The following POU2F3 variants were observed in gnomAD, a reference collection of about 807,000 sequenced individuals.
The protein encoded by POU2F3 is POU domain, class 2, transcription factor 3.
POU2F3 carries 23 observed loss-of-function variants against 59.2 expected under a neutral mutation model. The observed-to-expected ratio is 0.39, with a 90% CI of 0.28 to 0.55. The LOEUF (loss-of-function observed/expected upper bound fraction) is 0.55, where lower values mean the gene tolerates loss of function less well. Among genes scored for constraint, POU2F3 ranks in the 20% least tolerant of loss-of-function variants. The probability of loss-of-function intolerance (pLI) is 0.66; values close to 1 mark genes in which losing one functional copy is unlikely to be tolerated. For synonymous variants in POU2F3, 190 were observed against 214.6 expected (o/e 0.89, Z 1.00); for missense variants, 473 against 544.5 (o/e 0.87, Z 1.31).
In POU2F3 at chr11:120,299,676, T is replaced by C; in HGVS notation, c.311T>C (p.Leu104Ser). Reference protein sequence around the residue: ...LQQLVLVPGHLQSVSQFLLSQ... With the variant: ...LQQLVLVPGHSQSVSQFLLSQ... ...CAGCTTGTGCTGGTTCCCGGCCACT[T>C]ACAGTCTGTATCCCAGTTCCTGCTA... The change falls in exon 5 of 13, where the codon TTA becomes TCA. Residue 104 changes from leucine to serine, a missense_variant. Transcript: ENST00000543440. The C allele has an allele frequency of 6.2e-7, 1 of 1,613,876 alleles. No homozygotes were observed. Among genetic ancestry groups the C allele is most frequent in the South Asian group, 1.1e-5 (1 of 91,088 alleles).
chr11:120,302,680 C>A lies in POU2F3; in HGVS notation c.444+312C>A, dbSNP rs1941381110. On this transcript the variant is annotated intron_variant, in intron 6 of 12. Transcript: ENST00000543440. ...TTGCTCCTCTGAGAGCCAGGCTCAGCTCACTTCTCAGGCATACCAAGATGG... is the reference window on the plus strand; with the variant it reads ...TTGCTCCTCTGAGAGCCAGGCTCAGATCACTTCTCAGGCATACCAAGATGG... The A allele has an allele frequency of 9.6e-6, 3 of 311,812 alleles. No homozygotes were observed. In the South Asian group the frequency reaches 1.6e-4, roughly 17 times the overall value. 19.3% of individuals were successfully genotyped at this position (311,812 alleles called of 1,614,324 possible). A position where few individuals can be genotyped will look rare whatever the true frequency, so the allele number is the denominator to read the frequency against.
At position 120,316,990 on chromosome 11, in the gene POU2F3, A is replaced by G. The variant is rs182250617; in HGVS notation, c.1136-239A>G. Reference sequence around the variant, plus strand: ...ATTTGGCAAGTCTTAGACTTGCAGAACCAGCCACACCACTCTCCAGGGCCT... The same window carrying G: ...ATTTGGCAAGTCTTAGACTTGCAGAGCCAGCCACACCACTCTCCAGGGCCT... On this transcript the variant is annotated intron_variant, in intron 11 of 12. Coordinates refer to ENST00000543440, the MANE Select transcript of POU2F3 (RefSeq NM_014352.4). Among the ~76,000 whole-genome samples, 1,365 of 152,186 alleles carry G rather than the reference A, an allele frequency of 9.0e-3. 18 individuals carry two copies. The highest frequency in any genetic ancestry group is 0.032 in the African/African-American group (1,313 of 41,538).
At chr11:120,295,262 C>T (rs2135272388) in intron 3 of POU2F3, among the ~76,000 whole-genome samples, 1 of 152,372 alleles carries the variant, frequency 6.6e-6, no homozygotes, top group Middle Eastern at 3.4e-3. Context: ...TGTTTTCAAG[C>T]TCTGTCATAG....
intron 9 of POU2F3, 49 bp downstream of exon 9, chr11:120,307,664 G>C: frequency 2.5e-6 from 4 of 1,609,050 alleles, no homozygotes; most frequent in Non-Finnish European, 3.4e-6. Context: ...CACACAGGTA[G>C]GGAGAGCAGA....
At position 120,305,218 on chromosome 11, in the gene POU2F3, G is replaced by A; in HGVS notation, c.627+6G>A. 2 of 1,611,784 alleles carry A rather than the reference G, an allele frequency of 1.2e-6. No homozygotes were observed. The highest frequency in any genetic ancestry group is 1.7e-6 in the Non-Finnish European group (2 of 1,178,822). On this transcript the variant is annotated splice_donor_region_variant and intron_variant, in intron 7 of 12. Transcript: ENST00000543440. ...TTAAGCTGGGCTTCACACAGGTTTG[G>A]TTTTAGGGGAAAAGATAGAAGAAGT...
chr11:120,274,361 A>G (rs1489567002), intron 3 of POU2F3, among the ~76,000 whole-genome samples: 1 of 152,232 alleles, frequency 6.6e-6, no homozygotes, highest in Non-Finnish European at 1.5e-5. Context: ...AGTATCTTGA[A>G]CATATACACT....
At chr11:120,297,254 T>C (rs1941217249) in intron 3 of POU2F3, among the ~76,000 whole-genome samples, 1 of 152,176 alleles carries the variant, frequency 6.6e-6, no homozygotes, top group Non-Finnish European at 1.5e-5. Flanking sequence ...TGGGATGGGA[T>C]GAGGGGTAGG....
intron 2 of POU2F3, chr11:120,256,969 C>G (rs779631609): frequency 2.6e-5 from 4 of 152,146 alleles, no homozygotes; most frequent in Non-Finnish European, 5.9e-5. Flanking sequence ...GGTAATTAAC[C>G]ATTCTGAGCC....
At chr11:120,316,796 G>A (rs1941799147) in intron 11 of POU2F3, among the ~76,000 whole-genome samples, 1 of 152,202 alleles carries the variant, frequency 6.6e-6, no homozygotes, top group African/African-American at 2.4e-5. Flanking sequence ...TAGAGCAGCT[G>A]GCAATCTTTC....
intron 3 of POU2F3, among the ~76,000 whole-genome samples, chr11:120,294,379 C>T (rs1387999273): frequency 6.6e-6 from 1 of 152,224 alleles, no homozygotes; most frequent in Non-Finnish European, 1.5e-5. Flanking sequence ...TGGAGAAACA[C>T]TCCACCTGCA....
At chr11:120,265,678 A>G (rs1939801645) in intron 2 of POU2F3, among the ~76,000 whole-genome samples, 1 of 152,242 alleles carries the variant, frequency 6.6e-6, no homozygotes, top group East Asian at 1.9e-4. Flanking sequence ...CTCACTAACA[A>G]CATCATAATG....
rs750305252 is a variant in POU2F3 at position 120,302,314 on chromosome 11, A to G, written c.390A>G (p.Pro130=). 1.3e-5 allele frequency: 21 copies of G among 1,612,560 alleles called. No individual in the cohort carries two copies. The highest frequency in any genetic ancestry group is 1.7e-5 in the Non-Finnish European group (20 of 1,178,994). ...TGCAGCCAAATCTCCTCCCCTTTCC[A>G]CAGCAACAAAGCGGTCTCCTCCTCC... ...QGLQPNLLPF[P]QQQSGLLLPQ... The change falls in exon 6 of 13, where the codon CCA becomes CCG. Residue 130 remains proline (P), a synonymous_variant. Transcript: ENST00000543440.
intron 1 of POU2F3, among the ~76,000 whole-genome samples, chr11:120,242,247 C>T (rs920520602): frequency 6.6e-6 from 1 of 152,176 alleles, no homozygotes; most frequent in African/African-American, 2.4e-5. Context: ...GACTTTCTGT[C>T]CCATCTCTCT....
intron 3 of POU2F3, among the ~76,000 whole-genome samples, chr11:120,288,128 C>CAAAAAAAAAAAAAAAAAAAACA (rs1940867425): frequency 1.6e-5 from 1 of 63,328 alleles, no homozygotes; most frequent in Non-Finnish European, 2.6e-5. Context: ...ACAAAAAAAC[C>CAAAAAAAAAAAAAAAAAAAACA]AAAAAAAAAA....
chr11:120,262,933 G>A (rs1280864242), intron 2 of POU2F3, among the ~76,000 whole-genome samples: 1 of 151,202 alleles, frequency 6.6e-6, no homozygotes, highest in African/African-American at 2.4e-5. Flanking sequence ...AAAATTTACT[G>A]TCTTAACCAT....
intron 9 of POU2F3, among the ~76,000 whole-genome samples, chr11:120,308,296 C>A (rs999072198): frequency 3.4e-4 from 52 of 152,354 alleles, no homozygotes; most frequent in Non-Finnish European, 4.7e-4. Flanking sequence ...TCCCTCAGAT[C>A]CCAGCCTCCA....
rs1185953235 is a variant in POU2F3 at position 120,299,585 on chromosome 11, T to G, written c.259-39T>G. On this transcript the variant is annotated intron_variant, in intron 4 of 12. Transcript: ENST00000543440. Reference sequence around the variant, plus strand: ...GCAGATGGGGCTGATGTCCCCAGCTTGTAAATTCTGTGGTGTATGTGTATC... The same window carrying G: ...GCAGATGGGGCTGATGTCCCCAGCTGGTAAATTCTGTGGTGTATGTGTATC... 5 of 1,577,046 alleles carry G rather than the reference T, an allele frequency of 3.2e-6. No individual in the cohort carries two copies. The South Asian group carries it at 3.4e-5, about 11-fold the overall frequency.
intron 2 of POU2F3, among the ~76,000 whole-genome samples, chr11:120,247,585 GA>G (rs1324866621): frequency 2.0e-5 from 3 of 152,212 alleles, no homozygotes; most frequent in Non-Finnish European, 4.4e-5. Flanking sequence ...AGACTAAGGA[GA>G]ATGTGGGCCG....
chr11:120,318,078 G>A (rs1461946057), intron 12 of POU2F3, among the ~76,000 whole-genome samples: 1 of 152,110 alleles, frequency 6.6e-6, no homozygotes, highest in Non-Finnish European at 1.5e-5. Flanking sequence ...CCCCTACTGA[G>A]AGAGAGAAAG....
Sources: allele counts gnomAD v4.1 joint callset (sites outside exome capture counted in the v4.1 genomes callset), GRCh38; gene constraint gnomAD v4.1.1; transcripts MANE v1.5; gene names NCBI Gene and HGNC (gene_info 2026-07-23, HGNC 2026-07-21).